ZMYND11: variants seen among roughly 807,000 people sequenced by gnomAD.
The protein encoded by ZMYND11 is zinc finger MYND domain-containing protein 11.
A neutral mutation model predicts 84.9 loss-of-function variants in ZMYND11; 9 were observed. That is an observed-to-expected ratio of 0.11 (90% CI 0.06 to 0.18). The LOEUF is 0.18. ZMYND11 is among the 10% of genes least tolerant of loss of function. The pLI is 1.00. For synonymous variants in ZMYND11, 250 were observed against 244.1 expected (o/e 1.02, Z -0.23); for missense variants, 409 against 761.0 (o/e 0.54, Z 5.44).
intron 4 of ZMYND11, among the ~76,000 whole-genome samples, chr10:226,672 G>A (rs570377057): frequency 5.9e-5 from 9 of 152,248 alleles, no homozygotes; most frequent in African/African-American, 1.7e-4. Flanking sequence ...GAGTAAATGG[G>A]AAAATTACAG....
intron 14 of ZMYND11, chr10:249,351 T>C (rs1952852569): frequency 1.7e-6 from 2 of 1,209,426 alleles, no homozygotes; most frequent in Admixed American, 4.1e-5. Flanking sequence ...ACAATTAACT[T>C]ATATAATTTC....
At chr10:158,788 T>G (rs373691842) in intron 1 of ZMYND11, among the ~76,000 whole-genome samples, 1 of 152,032 alleles carries the variant, frequency 6.6e-6, no homozygotes, top group East Asian at 1.9e-4. Flanking sequence ...TGATTTTGAT[T>G]TGCATTTCTG....
chr10:133,201 G>A (rs1218102195), upstream of ZMYND11, among the ~76,000 whole-genome samples: 1 of 152,204 alleles, frequency 6.6e-6, no homozygotes, highest in Non-Finnish European at 1.5e-5. Flanking sequence ...ATTATCACTG[G>A]AAAAGAATTC....
At position 218,981 on chromosome 10, in the gene ZMYND11, G is replaced by A. The variant is rs150080115; in HGVS notation, c.277-2214G>A. ...TTGCATATTCTGAACAGCTATTGCC[G>A]TGATTAAAACAATCAACAGCACTGC... On this transcript the variant is annotated intron_variant, in intron 3 of 14. Coordinates refer to ENST00000381604, the MANE Select transcript of ZMYND11 (RefSeq NM_001370100.5). Among the ~76,000 whole-genome samples the A allele has an allele frequency of 2.6e-3, 399 of 152,244 alleles. 1 individual carries two copies. Among genetic ancestry groups the A allele is most frequent in the African/African-American group, 9.2e-3 (383 of 41,562 alleles).
At chr10:173,152 A>G (rs1554766095) in intron 1 of ZMYND11, among the ~76,000 whole-genome samples, 1 of 152,228 alleles carries the variant, frequency 6.6e-6, no homozygotes, top group Non-Finnish European at 1.5e-5. Flanking sequence ...CTTAGGCAAT[A>G]GCATAGGAGG....
intron 3 of ZMYND11, among the ~76,000 whole-genome samples, chr10:216,950 G>A (rs1241907707): frequency 1.3e-5 from 2 of 152,010 alleles, no homozygotes; most frequent in Admixed American, 6.6e-5. Flanking sequence ...AACAGAATTT[G>A]TTAATTAAGC....
At chr10:243,687 A>C (rs1162043648) in intron 10 of ZMYND11, among the ~76,000 whole-genome samples, 1 of 152,136 alleles carries the variant, frequency 6.6e-6, no homozygotes, top group Non-Finnish European at 1.5e-5. Flanking sequence ...AACACAGTGA[A>C]ACCCCGTCTC....
At chr10:197,830 A>G (rs918791314) in intron 2 of ZMYND11, 1 of 446,462 alleles carries the variant, frequency 2.2e-6, no homozygotes, top group African/African-American at 2.0e-5. Context: ...ATATGCCAAA[A>G]CAGTACTCTG....
At position 246,955 on chromosome 10, in the gene ZMYND11, C is replaced by G; in HGVS notation, c.1140C>G (p.Ser380=). Residue 380 remains serine, a synonymous_variant, in exon 11 of 15, where the codon TCC becomes TCG. Coordinates refer to ENST00000381604, the MANE Select transcript of ZMYND11 (RefSeq NM_001370100.5). ...AGGAAGAGGCAGAATCCAGTATCTCCTCCACCAGTAATGAGCAGGTGAGTG... is the reference window on the plus strand; with the variant it reads ...AGGAAGAGGCAGAATCCAGTATCTCGTCCACCAGTAATGAGCAGGTGAGTG... ...RGEEEAESSI[S]STSNEQLKVT... 1 of 1,608,286 alleles carries G rather than the reference C, an allele frequency of 6.2e-7. No individual in the cohort carries two copies. Among genetic ancestry groups the G allele is most frequent in the South Asian group, 1.1e-5 (1 of 89,604 alleles).
At chr10:152,096 A>C (rs567471786) in intron 1 of ZMYND11, among the ~76,000 whole-genome samples, 62 of 152,358 alleles carry the variant, frequency 4.1e-4, no homozygotes, top group African/African-American at 1.4e-3. Flanking sequence ...AACTGGTACC[A>C]GTCACTGCAA....
rs1416929063 is a variant in ZMYND11, at chr10:185,833, A to C, written c.116+5705A>C. ...CGTCTCAAAAAAACAAAAAAACAAAAAAACAAAAAAAAAGACGGTTGCTAA... is the reference window on the plus strand; with the variant it reads ...CGTCTCAAAAAAACAAAAAAACAAACAAACAAAAAAAAAGACGGTTGCTAA... On this transcript the variant is annotated intron_variant, in intron 2 of 14. Transcript: ENST00000381604. Among the ~76,000 whole-genome samples, 18 of 151,642 alleles carry C rather than the reference A, an allele frequency of 1.2e-4. No homozygotes were observed. In the East Asian group the frequency reaches 3.3e-3, roughly 28 times the overall value.
intron 1 of ZMYND11, among the ~76,000 whole-genome samples, chr10:170,472 GTAAA>G (rs1436698981): frequency 2.1e-4 from 18 of 86,268 alleles, no homozygotes; most frequent in Non-Finnish European, 4.4e-4. Context: ...TTATGGGTAA[GTAAA>G]ATGAATGACA....
chr10:213,925 AT>A (rs1945714229), intron 3 of ZMYND11, among the ~76,000 whole-genome samples: 1 of 152,216 alleles, frequency 6.6e-6, no homozygotes, highest in Admixed American at 6.5e-5. Flanking sequence ...ATTGAACAAG[AT>A]TACTTTTATG....
chr10:202,667 A>C (rs1489242582), intron 2 of ZMYND11, among the ~76,000 whole-genome samples: 1 of 152,104 alleles, frequency 6.6e-6, no homozygotes, highest in East Asian at 1.9e-4. Flanking sequence ...CTCTCTCCTG[A>C]CCTTCATCTG....
intron 2 of ZMYND11, among the ~76,000 whole-genome samples, chr10:187,764 C>T (rs1036084765): frequency 6.6e-5 from 10 of 152,174 alleles, no homozygotes; most frequent in African/African-American, 9.6e-5. Flanking sequence ...TTTTGATTAA[C>T]GATGAAACTG....
At chr10:130,897 C>T (rs1200697599), upstream of ZMYND11, among the ~76,000 whole-genome samples, 2 of 152,104 alleles carry the variant, frequency 1.3e-5, no homozygotes, top group African/African-American at 4.8e-5. Flanking sequence ...ATGGGCAGAT[C>T]ACTTGAGCTC....
chr10:152,192 C>G (rs1554757271), intron 1 of ZMYND11, among the ~76,000 whole-genome samples: 1 of 152,116 alleles, frequency 6.6e-6, no homozygotes, highest in East Asian at 1.9e-4. Flanking sequence ...ATCATAATGA[C>G]AGGATCAAGT....
intron 1 of ZMYND11, among the ~76,000 whole-genome samples, chr10:167,878 G>A (rs1019986561): frequency 1.3e-5 from 2 of 151,896 alleles, no homozygotes; most frequent in East Asian, 3.9e-4. Flanking sequence ...ACAGTTTAGT[G>A]TATTTAAATG....
At chr10:168,264 G>C (rs1844476795) in intron 1 of ZMYND11, among the ~76,000 whole-genome samples, 1 of 151,738 alleles carries the variant, frequency 6.6e-6, no homozygotes, top group Non-Finnish European at 1.5e-5. Flanking sequence ...GAAAATTGTG[G>C]GGCACCAATA....
Sources: gnomAD v4.1 joint callset for allele counts (sites outside exome capture counted in the v4.1 genomes callset) on GRCh38, gnomAD v4.1.1 for gene constraint, MANE v1.5 for transcripts, NCBI Gene and HGNC (gene_info 2026-07-23, HGNC 2026-07-21) for gene names.